Variants in SOS1 observed in about 807,000 individuals in gnomAD.
The protein encoded by SOS1 is SOS Ras/Rac guanine nucleotide exchange factor 1.
In SOS1, 25 loss-of-function variants were observed where a neutral mutation model predicts 157.6. That is an observed-to-expected ratio of 0.16 (90% CI 0.12 to 0.22). The LOEUF is 0.22. SOS1 is among the 10% of genes least tolerant of loss of function. The pLI is 1.00. For missense variants in SOS1, 1,237 were observed against 1,599.1 expected (o/e 0.77, Z 3.86); for synonymous variants, 528 against 534.0 (o/e 0.99, Z 0.16).
In SOS1 at chr2:38,989,849, A is replaced by AT. The variant is rs1411202845; in HGVS notation, c.3347-536dup. ...GGTTTTTCCTTTTATAGTCATAAAC[A>AT]TTTTTTTTAAAGTCATTAAACATTT... is the stretch of plus-strand genomic sequence containing the variant. On this transcript the variant is annotated intron_variant, in intron 20 of 22. Coordinates refer to ENST00000402219, the MANE Select transcript of SOS1 (RefSeq NM_005633.4). Among the ~76,000 whole-genome samples the AT allele has an allele frequency of 3.3e-5, 5 of 152,046 alleles. No homozygotes were observed. The East Asian group carries it at 5.8e-4, about 18-fold the overall frequency.
intron 2 of SOS1, among the ~76,000 whole-genome samples, chr2:39,063,892 G>C (rs1033692157): frequency 3.3e-5 from 5 of 151,822 alleles, no homozygotes; most frequent in Non-Finnish European, 4.4e-5. Context: ...GAGTGCAGTG[G>C]CGCGATCACA....
intron 13 of SOS1, among the ~76,000 whole-genome samples, chr2:39,012,908 T>C (rs1355873964): frequency 6.6e-6 from 1 of 152,140 alleles, no homozygotes; most frequent in African/African-American, 2.4e-5. Context: ...AATAAGTTTG[T>C]CTAAGATATC....
At chr2:39,099,242 A>T (rs956188636) in intron 1 of SOS1, among the ~76,000 whole-genome samples, 2 of 152,258 alleles carry the variant, frequency 1.3e-5, no homozygotes, top group African/African-American at 4.8e-5. Context: ...TGTAGTATAC[A>T]TCAATGCAAC....
At chr2:39,022,139 A>G (rs1379950308) in intron 10 of SOS1, among the ~76,000 whole-genome samples, 1 of 151,800 alleles carries the variant, frequency 6.6e-6, no homozygotes, top group Non-Finnish European at 1.5e-5. Flanking sequence ...GTGGAAACTG[A>G]GAGAAAGCAA....
chr2:39,079,733 T>C (rs1232942157), intron 1 of SOS1, among the ~76,000 whole-genome samples: 1 of 152,162 alleles, frequency 6.6e-6, no homozygotes, highest in East Asian at 1.9e-4. Context: ...GACCTCGTGA[T>C]CTGCCCACCT....
intron 5 of SOS1, among the ~76,000 whole-genome samples, chr2:39,053,753 T>C (rs572709172): frequency 1.3e-5 from 2 of 152,298 alleles, no homozygotes; most frequent in African/African-American, 4.8e-5. Flanking sequence ...TAGGTTAGTT[T>C]GATCACTATC....
chr2:39,023,780 G>A, intron 9 of SOS1: 1 of 482,942 alleles, frequency 2.1e-6, no homozygotes, highest in South Asian at 2.4e-5. Flanking sequence ...CAGCTTACCA[G>A]TTGACTCTCA....
At chr2:39,111,783 G>A (rs1673446253) in intron 1 of SOS1, among the ~76,000 whole-genome samples, 1 of 149,544 alleles carries the variant, frequency 6.7e-6, no homozygotes, top group South Asian at 2.1e-4. Context: ...AGGCTGGAGT[G>A]CAGTGACACA....
rs55772987 is a variant in SOS1, at chr2:39,094,652, C to CAAATAAATAAAT, written c.87+25672_87+25683dup. On this transcript the variant is annotated intron_variant, in intron 1 of 22. Transcript: ENST00000402219. ...TGGACGACAGAGCAAGACTCGGTCT[C>CAAATAAATAAAT]AAATAAATAAATAAATAAATAAATA... Among the ~76,000 whole-genome samples the CAAATAAATAAAT allele has an allele frequency of 6.2e-3, 934 of 150,950 alleles. 9 individuals carry two copies. Among genetic ancestry groups the CAAATAAATAAAT allele is most frequent in the African/African-American group, 0.022 (882 of 40,720 alleles).
At chr2:39,049,948 T>A (rs1670947717) in intron 6 of SOS1, among the ~76,000 whole-genome samples, 1 of 152,220 alleles carries the variant, frequency 6.6e-6, no homozygotes, top group African/African-American at 2.4e-5. Context: ...TTGAAACAAT[T>A]CATTGTCCTT....
intron 1 of SOS1, among the ~76,000 whole-genome samples, chr2:39,111,147 C>T (rs1673419421): frequency 6.6e-6 from 1 of 152,112 alleles, no homozygotes; most frequent in Non-Finnish European, 1.5e-5. Context: ...GCAGGAGAAT[C>T]ACTTGAACCC....
At chr2:39,040,601 T>G (rs1670535992) in intron 6 of SOS1, among the ~76,000 whole-genome samples, 1 of 152,216 alleles carries the variant, frequency 6.6e-6, no homozygotes, top group African/African-American at 2.4e-5. Context: ...GTGTTTGGCT[T>G]ATTTTATTAG....
intron 6 of SOS1, among the ~76,000 whole-genome samples, chr2:39,037,963 C>T (rs1464965939): frequency 2.0e-5 from 3 of 152,094 alleles, no homozygotes; most frequent in East Asian, 1.9e-4. Context: ...CACCTAGACA[C>T]CTAAGAGCTC....
intron 10 of SOS1, among the ~76,000 whole-genome samples, chr2:39,020,769 A>G (rs779219490): frequency 6.6e-6 from 1 of 151,792 alleles, no homozygotes; most frequent in East Asian, 1.9e-4. Context: ...GCTAACAGTT[A>G]ACACTAATGT....
chr2:39,118,182 T>C (rs577350790), intron 1 of SOS1, among the ~76,000 whole-genome samples: 1 of 152,270 alleles, frequency 6.6e-6, no homozygotes, highest in African/African-American at 2.4e-5. Context: ...TCAGGTTGAG[T>C]GAGTCTAGAA....
intron 8 of SOS1, among the ~76,000 whole-genome samples, chr2:39,033,505 AG>A (rs1387440777): frequency 6.6e-6 from 1 of 152,064 alleles, no homozygotes; most frequent in African/African-American, 2.4e-5. Context: ...CTTTCATCAA[AG>A]CTTCTTGGGT....
At chr2:39,076,966 A>C (rs1313056702) in intron 1 of SOS1, among the ~76,000 whole-genome samples, 1 of 152,224 alleles carries the variant, frequency 6.6e-6, no homozygotes, top group Non-Finnish European at 1.5e-5. Context: ...CATAAGCAAC[A>C]AACAGAAAAT....
At chr2:39,069,402 T>C (rs532655670) in intron 1 of SOS1, among the ~76,000 whole-genome samples, 2 of 151,718 alleles carry the variant, frequency 1.3e-5, no homozygotes, top group Non-Finnish European at 2.9e-5. Context: ...AAAGATAGTA[T>C]CCTACATAAT....
intron 6 of SOS1, among the ~76,000 whole-genome samples, chr2:39,040,338 A>G (rs868212539): frequency 6.6e-6 from 1 of 152,110 alleles, no homozygotes; most frequent in South Asian, 2.1e-4. Context: ...ATATTGTGGT[A>G]AAATATACAC....
Sources: allele counts gnomAD v4.1 joint callset (sites outside exome capture counted in the v4.1 genomes callset), GRCh38; gene constraint gnomAD v4.1.1; transcripts MANE v1.5; gene names NCBI Gene and HGNC (gene_info 2026-07-23, HGNC 2026-07-21).